Variants in CTNNA2 observed in about 807,000 individuals in gnomAD.
The protein encoded by CTNNA2 is catenin alpha 2.
Under a neutral mutation model 101.0 loss-of-function variants are expected in CTNNA2, and 42 were observed. The ratio of observed to expected loss-of-function variants is 0.42; its 90% CI spans 0.32 to 0.54. The LOEUF is 0.54. CTNNA2 is among the 20% of genes least tolerant of loss of function. CTNNA2 has a pLI of 0.14. For missense variants in CTNNA2, 871 were observed against 1,223.1 expected (o/e 0.71, Z 4.29); for synonymous variants, 450 against 456.4 (o/e 0.99, Z 0.18).
rs192890199 is a variant in CTNNA2 at position 80,166,394 on chromosome 2, G to A, written c.1057-226817G>A. Among the ~76,000 whole-genome samples, 73 of 152,242 alleles carry A rather than the reference G, an allele frequency of 4.8e-4. No individual in the cohort carries two copies. In the East Asian group the frequency reaches 0.011, roughly 24 times the overall value. On this transcript the variant is annotated intron_variant, in intron 7 of 18. Coordinates refer to ENST00000402739, the MANE Select transcript of CTNNA2 (RefSeq NM_001282597.3). ...CAATGATTTAATCAACCATGCCTAGGCAGTGAAGCTTCCATTAAAACCTAA... is the reference window on the plus strand; with the variant it reads ...CAATGATTTAATCAACCATGCCTAGACAGTGAAGCTTCCATTAAAACCTAA...
At chr2:80,072,865 C>T (rs993880638) in intron 7 of CTNNA2, among the ~76,000 whole-genome samples, 3 of 152,038 alleles carry the variant, frequency 2.0e-5, no homozygotes, top group African/African-American at 7.2e-5. Context: ...GAGGGGAAAA[C>T]GAGGGATGTT....
At chr2:79,409,398 G>A (rs1210734546) in intron 4 of CTNNA2, among the ~76,000 whole-genome samples, 3 of 152,106 alleles carry the variant, frequency 2.0e-5, no homozygotes, top group Non-Finnish European at 4.4e-5. Flanking sequence ...GAATGGTAAT[G>A]CCTAGGCTTT....
chr2:79,654,112 T>C (rs1400072600), intron 2 of CTNNA2, among the ~76,000 whole-genome samples: 1 of 152,184 alleles, frequency 6.6e-6, no homozygotes, highest in East Asian at 1.9e-4. Context: ...AACCAAATCT[T>C]TATTTTTAAT....
chr2:79,852,837 G>A (rs1362211028), intron 3 of CTNNA2, among the ~76,000 whole-genome samples: 8 of 152,194 alleles, frequency 5.3e-5, no homozygotes, highest in East Asian at 1.9e-4. Flanking sequence ...TGATCCAACC[G>A]CCTCAGCCTC....
At chr2:80,279,157 G>C (rs1674165677) in intron 7 of CTNNA2, among the ~76,000 whole-genome samples, 1 of 151,718 alleles carries the variant, frequency 6.6e-6, no homozygotes, top group East Asian at 2.0e-4. Context: ...AGGAGGGACA[G>C]CCTGGAGAAA....
chr2:80,470,012 C>T (rs776653888), intron 9 of CTNNA2, among the ~76,000 whole-genome samples: 2 of 152,156 alleles, frequency 1.3e-5, no homozygotes, highest in Non-Finnish European at 2.9e-5. Flanking sequence ...CTGAGCCTCT[C>T]TCATTCAGAG....
chr2:80,097,329 T>A (rs1026182412), intron 7 of CTNNA2, among the ~76,000 whole-genome samples: 2 of 152,222 alleles, frequency 1.3e-5, no homozygotes, highest in African/African-American at 4.8e-5. Context: ...TGTTGAATGT[T>A]GGCCCCCATT....
chr2:80,164,101 T>A (rs1333724625), intron 7 of CTNNA2, among the ~76,000 whole-genome samples: 2 of 151,834 alleles, frequency 1.3e-5, no homozygotes, highest in African/African-American at 4.8e-5. Context: ...TTGGATCCAG[T>A]CTTCTAATAT....
At chr2:79,711,845 T>C (rs1193589255) in intron 2 of CTNNA2, among the ~76,000 whole-genome samples, 2 of 152,198 alleles carry the variant, frequency 1.3e-5, no homozygotes, top group African/African-American at 4.8e-5. Context: ...CCCATATAAC[T>C]TATTTATGGA....
At chr2:79,572,346 G>A (rs1302513300) in intron 1 of CTNNA2, among the ~76,000 whole-genome samples, 5 of 152,142 alleles carry the variant, frequency 3.3e-5, no homozygotes, top group Admixed American at 3.3e-4. Flanking sequence ...AGCTGAAAAT[G>A]TTTGAAAACT....
intron 7 of CTNNA2, among the ~76,000 whole-genome samples, chr2:80,318,366 A>G (rs1478408500): frequency 1.3e-5 from 2 of 152,086 alleles, no homozygotes; most frequent in Non-Finnish European, 2.9e-5. Flanking sequence ...TATGCCTTCT[A>G]GTTTGAAATT....
chr2:80,152,506 T>G (rs935968715), intron 7 of CTNNA2, among the ~76,000 whole-genome samples: 6 of 152,144 alleles, frequency 3.9e-5, no homozygotes, highest in African/African-American at 1.4e-4. Context: ...CATAAATGTT[T>G]GATGAGAAGT....
chr2:80,205,827 C>A (rs1468818545), intron 7 of CTNNA2, among the ~76,000 whole-genome samples: 1 of 152,112 alleles, frequency 6.6e-6, no homozygotes, highest in East Asian at 1.9e-4. Flanking sequence ...TATTTTATTT[C>A]TTTGTAATCC....
At chr2:80,486,992 G>C (rs1338176001) in intron 9 of CTNNA2, among the ~76,000 whole-genome samples, 2 of 152,096 alleles carry the variant, frequency 1.3e-5, no homozygotes, top group Non-Finnish European at 2.9e-5. Flanking sequence ...CTTTTAAAAA[G>C]TGCAAAACTT....
At chr2:79,477,178 T>C (rs562075763) in intron 4 of CTNNA2, among the ~76,000 whole-genome samples, 1 of 148,720 alleles carries the variant, frequency 6.7e-6, no homozygotes, top group African/African-American at 2.5e-5. Context: ...CTTTTTTTTT[T>C]TTTTGTTTTT....
intron 1 of CTNNA2, among the ~76,000 whole-genome samples, chr2:79,559,325 T>C (rs1330738027): frequency 6.6e-6 from 1 of 151,900 alleles, no homozygotes; most frequent in Non-Finnish European, 1.5e-5. Context: ...GGTTGAGTTC[T>C]AGGCCTTATT....
At chr2:80,418,536 C>T (rs553764743) in intron 8 of CTNNA2, among the ~76,000 whole-genome samples, 3 of 152,206 alleles carry the variant, frequency 2.0e-5, no homozygotes, top group East Asian at 3.9e-4. Context: ...TATAGTAATT[C>T]GTGCAAAAAG....
intron 9 of CTNNA2, among the ~76,000 whole-genome samples, chr2:80,535,081 G>T (rs569900155): frequency 1.3e-5 from 2 of 152,300 alleles, no homozygotes; most frequent in Non-Finnish European, 2.9e-5. Flanking sequence ...CTTGAGAATT[G>T]TAACTTTATA....
intron 18 of CTNNA2, among the ~76,000 whole-genome samples, chr2:80,627,538 T>A (rs551392696): frequency 4.6e-5 from 7 of 152,302 alleles, no homozygotes; most frequent in African/African-American, 1.7e-4. Context: ...TCTGTTCATA[T>A]CCTTTGCCCA....
Sources: gnomAD v4.1 joint callset for allele counts (sites outside exome capture counted in the v4.1 genomes callset) on GRCh38, gnomAD v4.1.1 for gene constraint, MANE v1.5 for transcripts, NCBI Gene and HGNC (gene_info 2026-07-23, HGNC 2026-07-21) for gene names.